TTLL5: variants seen among roughly 807,000 people sequenced by gnomAD.
The protein encoded by TTLL5 is tubulin tyrosine ligase like 5.
A neutral mutation model predicts 168.4 loss-of-function variants in TTLL5; 132 were observed. That is an observed-to-expected ratio of 0.78 (90% confidence interval 0.68 to 0.91). The LOEUF (loss-of-function observed/expected upper bound fraction) is 0.91. TTLL5 is among the 40% of genes least tolerant of loss of function. The probability of loss-of-function intolerance (pLI) is 0.00; values close to 1 mark genes in which losing one functional copy is unlikely to be tolerated. For missense variants in TTLL5, 1,545 were observed against 1,581.5 expected (o/e 0.98, Z 0.39); for synonymous variants, 546 against 558.6 (o/e 0.98, Z 0.32).
At chr14:75,702,956 T>C (rs574845475) in intron 7 of TTLL5, among the ~76,000 whole-genome samples, 1 of 152,296 alleles carries the variant, frequency 6.6e-6, no homozygotes, top group East Asian at 1.9e-4. Flanking sequence ...TTACCACCTT[T>C]TACCCAGACC....
At position 75,792,931 on chromosome 14, in the gene TTLL5, A is replaced by T. The variant is rs767159903; in HGVS notation, c.3002A>T (p.Asn1001Ile). Residue 1001 changes from asparagine to isoleucine, a missense_variant, in exon 27 of 32, where the codon AAC becomes ATC. Physicochemically the swap from Asn to Ile is moderately radical, Grantham distance 149. Coordinates refer to ENST00000298832, the MANE Select transcript of TTLL5 (RefSeq NM_015072.5). ...SSAKAGSCYL[N>I]KHHSGIAKTQ... ...GTTTTAGCAGGATCGTGCTATCTAA[A>T]CAAGCATCATTCAGGAATAGCCAAA... 2 of 1,609,182 alleles carry T rather than the reference A, an allele frequency of 1.2e-6. No homozygotes were observed. The highest frequency in any genetic ancestry group is 3.3e-5 in the Admixed American group (2 of 59,860).
chr14:75,859,193 C>T (rs1212460926), intron 28 of TTLL5, among the ~76,000 whole-genome samples: 1 of 152,176 alleles, frequency 6.6e-6, no homozygotes, highest in Non-Finnish European at 1.5e-5. Flanking sequence ...TTCAGATTCC[C>T]TCCAAGTTCC....
At chr14:75,681,699 C>T in intron 4 of TTLL5, 72 bp downstream of exon 4, 1 of 1,335,412 alleles carries the variant, frequency 7.5e-7, no homozygotes, top group South Asian at 1.2e-5. Context: ...CTGACTTTAC[C>T]AGTTAACAGG....
intron 31 of TTLL5, among the ~76,000 whole-genome samples, chr14:75,914,033 A>AAAAAATATATATATATATATATATATAT: frequency 2.8e-5 from 2 of 71,074 alleles, no homozygotes; most frequent in Non-Finnish European, 4.1e-5. Context: ...AAAAAAAAAA[A>AAAAAATATATATATATATATATATATAT]ATATATATAT....
chr14:75,841,864 G>A (rs901109289), intron 28 of TTLL5, among the ~76,000 whole-genome samples: 1 of 151,924 alleles, frequency 6.6e-6, no homozygotes, highest in African/African-American at 2.4e-5. Flanking sequence ...TTAAAAGGTT[G>A]GTTTGTATAT....
chr14:75,682,422 G>T (rs530807695), intron 4 of TTLL5, among the ~76,000 whole-genome samples: 40 of 152,242 alleles, frequency 2.6e-4, no homozygotes, highest in Middle Eastern at 3.4e-3. Flanking sequence ...GGAGTGTTCA[G>T]GATCATTTTC....
At chr14:75,743,641 G>T (rs1408676270) in intron 15 of TTLL5, among the ~76,000 whole-genome samples, 1 of 144,234 alleles carries the variant, frequency 6.9e-6, no homozygotes, top group African/African-American at 2.6e-5. Context: ...GAGTGCAGTG[G>T]CGTGATCTCA....
intron 29 of TTLL5, among the ~76,000 whole-genome samples, chr14:75,874,933 C>CTT (rs1555353208): frequency 3.1e-5 from 3 of 97,536 alleles, no homozygotes; most frequent in Non-Finnish European, 3.6e-5. Context: ...CACTGGGGGC[C>CTT]TTTTTTTTTT....
At chr14:75,918,207 C>A (rs1050963383) in intron 31 of TTLL5, among the ~76,000 whole-genome samples, 13 of 152,164 alleles carry the variant, frequency 8.5e-5, no homozygotes, top group Non-Finnish European at 4.4e-5. Context: ...CATTGGCCAA[C>A]ACTGGCTCCC....
chr14:75,694,949 G>C (rs1012595960), intron 6 of TTLL5, among the ~76,000 whole-genome samples: 8 of 152,228 alleles, frequency 5.3e-5, no homozygotes, highest in African/African-American at 1.9e-4. Flanking sequence ...TGCACAAATT[G>C]TTCGTAAAGC....
At position 75,775,629 on chromosome 14, in the gene TTLL5, A is replaced by G. The variant is rs1164089045; in HGVS notation, c.2282A>G (p.Lys761Arg). ...QLGDFIIVYN[K>R]ETEQMAEKKS... ...GGTGACTTTATCATTGTATACAACA[A>G]GGTAAGTCTTTTTCTGTTAGTCTTG... The change falls in exon 22 of 32, where the codon AAG becomes AGG. Residue 761 changes from lysine to arginine, a missense_variant and splice_region_variant. Transcript: ENST00000298832. 7 of 1,613,968 alleles carry G rather than the reference A, an allele frequency of 4.3e-6. No individual in the cohort carries two copies. The highest frequency in any genetic ancestry group is 5.9e-6 in the Non-Finnish European group (7 of 1,179,896).
intron 31 of TTLL5, among the ~76,000 whole-genome samples, chr14:75,920,773 A>T (rs1280183454): frequency 1.3e-5 from 2 of 152,220 alleles, no homozygotes; most frequent in African/African-American, 4.8e-5. Context: ...CAGTAATGGG[A>T]TCGCTGGATC....
chr14:75,708,674 T>G (rs531092890), intron 9 of TTLL5, among the ~76,000 whole-genome samples: 5 of 152,280 alleles, frequency 3.3e-5, no homozygotes, highest in African/African-American at 1.2e-4. Flanking sequence ...CAAGATTAAG[T>G]TCAAGTTGTT....
intron 6 of TTLL5, among the ~76,000 whole-genome samples, chr14:75,694,799 G>T (rs1396872878): frequency 6.6e-6 from 1 of 152,196 alleles, no homozygotes; most frequent in African/African-American, 2.4e-5. Context: ...AAATTGTGAA[G>T]ATTTTATGGA....
intron 3 of TTLL5, among the ~76,000 whole-genome samples, chr14:75,670,322 G>A (rs1883637482): frequency 6.6e-6 from 1 of 152,002 alleles, no homozygotes; most frequent in Non-Finnish European, 1.5e-5. Flanking sequence ...TTGGTTACAT[G>A]CATAATCCAC....
At chr14:75,781,907 A>C (rs1265684661) in intron 24 of TTLL5, among the ~76,000 whole-genome samples, 2 of 148,470 alleles carry the variant, frequency 1.3e-5, no homozygotes, top group African/African-American at 5.0e-5. Context: ...GTGAGCCAAG[A>C]TCGCGCAATT....
chr14:75,946,291 A>G (rs1393034803), intron 31 of TTLL5, among the ~76,000 whole-genome samples: 1 of 152,266 alleles, frequency 6.6e-6, no homozygotes, highest in Non-Finnish European at 1.5e-5. Context: ...CATACTGTAC[A>G]GTGAAAAGGT....
intron 31 of TTLL5, among the ~76,000 whole-genome samples, chr14:75,905,829 C>T (rs2033122595): frequency 6.6e-6 from 1 of 152,196 alleles, no homozygotes; most frequent in Non-Finnish European, 1.5e-5. Flanking sequence ...CTCATCCCTG[C>T]CCCTTAGCTT....
At chr14:75,922,739 G>C (rs946306151) in intron 31 of TTLL5, among the ~76,000 whole-genome samples, 1 of 151,974 alleles carries the variant, frequency 6.6e-6, no homozygotes, top group Non-Finnish European at 1.5e-5. Flanking sequence ...TGATGCTGGC[G>C]TCATAAAATG....
Sources: allele counts gnomAD v4.1 joint callset (sites outside exome capture counted in the v4.1 genomes callset), GRCh38; gene constraint gnomAD v4.1.1; transcripts MANE v1.5; gene names NCBI Gene and HGNC (gene_info 2026-07-23, HGNC 2026-07-21).